KIAA0825: variants seen among roughly 807,000 people sequenced by gnomAD.
KIAA0825 encodes KIAA0825.
Under a neutral mutation model 147.6 loss-of-function variants are expected in KIAA0825, and 119 were observed. The observed-to-expected ratio is 0.81, with a 90% CI of 0.69 to 0.94. KIAA0825 has a LOEUF of 0.94. Ranked by LOEUF, KIAA0825 falls within the 40% of genes least tolerant of loss-of-function variation. KIAA0825 has a pLI of 0.00. For missense variants in KIAA0825, 1,381 were observed against 1,472.7 expected (o/e 0.94, Z 1.02); for synonymous variants, 470 against 518.1 (o/e 0.91, Z 1.26).
At chr5:94,581,021 T>A (rs1002874955) in intron 2 of KIAA0825, among the ~76,000 whole-genome samples, 1 of 151,484 alleles carries the variant, frequency 6.6e-6, no homozygotes, top group Non-Finnish European at 1.5e-5. Context: ...CAATGCTTTA[T>A]ATAAAGGACT....
intron 13 of KIAA0825, among the ~76,000 whole-genome samples, chr5:94,447,443 A>C (rs1757871485): frequency 6.6e-6 from 1 of 152,144 alleles, no homozygotes; most frequent in Non-Finnish European, 1.5e-5. Flanking sequence ...GGAGGAAATC[A>C]AGAGAATATG....
chr5:94,164,023 T>A (rs563723471), intron 20 of KIAA0825, among the ~76,000 whole-genome samples: 1 of 152,346 alleles, frequency 6.6e-6, no homozygotes, highest in African/African-American at 2.4e-5. Context: ...GTATTCTATT[T>A]AATATGTATC....
chr5:94,186,727 TTCA>T (rs1330823013), intron 20 of KIAA0825, among the ~76,000 whole-genome samples: 1 of 152,216 alleles, frequency 6.6e-6, no homozygotes, highest in Non-Finnish European at 1.5e-5. Context: ...CAAAGCATTG[TTCA>T]TTCATTAGAA....
chr5:94,564,459 T>A (rs1386746925), intron 2 of KIAA0825, among the ~76,000 whole-genome samples: 1 of 121,782 alleles, frequency 8.2e-6, no homozygotes, highest in African/African-American at 3.4e-5. Context: ...TATTTTTGAG[T>A]GTGTGTGTGT....
chr5:94,490,109 AG>A (rs1281902361), intron 5 of KIAA0825, among the ~76,000 whole-genome samples: 1 of 152,196 alleles, frequency 6.6e-6, no homozygotes, highest in East Asian at 1.9e-4. Context: ...AAAAACCTAA[AG>A]AATAGTTGAA....
chr5:94,574,398 G>C (rs1453818325), intron 2 of KIAA0825, among the ~76,000 whole-genome samples: 1 of 151,948 alleles, frequency 6.6e-6, no homozygotes, highest in Non-Finnish European at 1.5e-5. Context: ...TAAAAAATTA[G>C]TCGGGTGTGT....
intron 14 of KIAA0825, among the ~76,000 whole-genome samples, chr5:94,428,142 G>GTT (rs1009600011): frequency 8.9e-6 from 1 of 111,976 alleles, no homozygotes; most frequent in African/African-American, 3.3e-5. Context: ...ATAAGGTCTT[G>GTT]TTGTGTGTGT....
At chr5:94,161,613 T>C (rs1270093306) in intron 20 of KIAA0825, among the ~76,000 whole-genome samples, 1 of 152,258 alleles carries the variant, frequency 6.6e-6, no homozygotes, top group Non-Finnish European at 1.5e-5. Context: ...TCTTGAGCTG[T>C]TATTTCATTG....
chr5:94,229,502 A>AT (rs769082743), intron 20 of KIAA0825, among the ~76,000 whole-genome samples: 25,039 of 138,744 alleles, frequency 0.18, 2,330 homozygotes, highest in East Asian at 0.27. Context: ...TCCATATTGA[A>AT]TTTTTTTTTT....
At chr5:94,343,867 A>G (rs1584189603) in intron 20 of KIAA0825, among the ~76,000 whole-genome samples, 2 of 152,206 alleles carry the variant, frequency 1.3e-5, no homozygotes, top group African/African-American at 4.8e-5. Context: ...GCTTAAAGAC[A>G]TTTTATGAAA....
Position 94,440,144 on chromosome 5 carries a change from T to TG in KIAA0825, c.2358-24dup, listed in dbSNP as rs1054377893. 3.9e-6 allele frequency: 6 copies of TG among 1,549,168 alleles called. No individual in the cohort carries two copies. The Admixed American group carries it at 1.2e-4, about 31-fold the overall frequency. ...GTCCTTTCAAAATGCAAGATAAAGA[T>TG]GGAGTAATGAAGTTAATTTATCTAT... On this transcript the variant is annotated intron_variant, in intron 13 of 20. Coordinates refer to ENST00000682413, the MANE Select transcript of KIAA0825 (RefSeq NM_001145678.3).
chr5:94,358,498 T>A (rs1290986457), intron 20 of KIAA0825, among the ~76,000 whole-genome samples: 1 of 152,188 alleles, frequency 6.6e-6, no homozygotes, highest in Admixed American at 6.5e-5. Flanking sequence ...AATATTCAAA[T>A]AAATACTAAA....
chr5:94,235,209 G>A (rs1774973955), intron 20 of KIAA0825, among the ~76,000 whole-genome samples: 1 of 152,176 alleles, frequency 6.6e-6, no homozygotes, highest in African/African-American at 2.4e-5. Context: ...CAGGCAGGCA[G>A]CCAGGTTGTG....
intron 1 of KIAA0825, among the ~76,000 whole-genome samples, chr5:94,603,204 C>A (rs1786829302): frequency 6.6e-6 from 1 of 151,968 alleles, no homozygotes; most frequent in Non-Finnish European, 1.5e-5. Context: ...AAAGGGAAGC[C>A]CATGAAACTA....
intron 20 of KIAA0825, among the ~76,000 whole-genome samples, chr5:94,364,730 T>C (rs982556976): frequency 6.6e-6 from 1 of 152,118 alleles, no homozygotes; most frequent in Non-Finnish European, 1.5e-5. Flanking sequence ...TCTCCCAATA[T>C]ATAGGAGTTA....
At chr5:94,329,561 A>G (rs1385564050) in intron 20 of KIAA0825, among the ~76,000 whole-genome samples, 1 of 152,160 alleles carries the variant, frequency 6.6e-6, no homozygotes, top group Non-Finnish European at 1.5e-5. Flanking sequence ...GTTTGGGAGA[A>G]AATGGAGTAA....
chr5:94,577,300 G>A (rs1781236743), intron 2 of KIAA0825, among the ~76,000 whole-genome samples: 1 of 152,150 alleles, frequency 6.6e-6, no homozygotes, highest in Admixed American at 6.6e-5. Flanking sequence ...CTAACAGAGT[G>A]GGAAAAGAGA....
At chr5:94,591,323 T>C (rs1262634511) in intron 1 of KIAA0825, among the ~76,000 whole-genome samples, 1 of 152,206 alleles carries the variant, frequency 6.6e-6, no homozygotes, top group African/African-American at 2.4e-5. Context: ...CAAGAAACAA[T>C]GAATCTCCCT....
At chr5:94,250,612 C>G (rs1775901254) in intron 20 of KIAA0825, among the ~76,000 whole-genome samples, 1 of 152,126 alleles carries the variant, frequency 6.6e-6, no homozygotes, top group Non-Finnish European at 1.5e-5. Context: ...CCTCCTGCAA[C>G]ATACTAATTT....
Sources: allele counts gnomAD v4.1 joint callset (sites outside exome capture counted in the v4.1 genomes callset), GRCh38; gene constraint gnomAD v4.1.1; transcripts MANE v1.5; gene names NCBI Gene and HGNC (gene_info 2026-07-23, HGNC 2026-07-21).